The following GDAP2 variants were observed in gnomAD, a reference collection of about 807,000 sequenced individuals.
GDAP2 encodes the protein ganglioside induced differentiation associated protein 2, also known as ganglioside-induced differentiation-associated protein 2.
In GDAP2, 51 loss-of-function variants were observed where a neutral mutation model predicts 67.0. The ratio of observed to expected loss-of-function variants is 0.76; its 90% CI spans 0.61 to 0.96. The LOEUF (loss-of-function observed/expected upper bound fraction) is 0.96, where lower values mean the gene tolerates loss of function less well. GDAP2 is among the 40% of genes least tolerant of loss of function. The pLI is 0.00. For synonymous variants in GDAP2, 203 were observed against 207.3 expected (o/e 0.98, Z 0.18); for missense variants, 547 against 588.3 (o/e 0.93, Z 0.73).
intron 11 of GDAP2, among the ~76,000 whole-genome samples, chr1:117,882,279 G>T (rs1267435940): frequency 6.6e-6 from 1 of 152,062 alleles, no homozygotes; most frequent in East Asian, 1.9e-4. Context: ...TACAACAACA[G>T]ATTGTTGTAA....
Position 117,864,464 on chromosome 1 carries a change from T to C in GDAP2, c.*6105A>G, listed in dbSNP as rs1158503165. The C allele has an allele frequency of 6.6e-6, 1 of 152,240 alleles. No homozygotes were observed. The highest frequency in any genetic ancestry group is 2.4e-5 in the African/African-American group (1 of 41,464). 9.4% of individuals were successfully genotyped at this position (152,240 alleles called of 1,614,324 possible). A position where few individuals can be genotyped will look rare whatever the true frequency, so the allele number is the denominator to read the frequency against. On this transcript the variant is annotated 3_prime_UTR_variant, in exon 14 of 14. Coordinates refer to ENST00000369443, the MANE Select transcript of GDAP2 (RefSeq NM_017686.4). ...CACATAGTACATGGCAGTACATGCC[T>C]GTTGAACTGAAAAGAGCCTGTACTG... is the stretch of plus-strand genomic sequence containing the variant.
At chr1:117,910,053 T>A (rs2101152512) in intron 5 of GDAP2, among the ~76,000 whole-genome samples, 1 of 152,246 alleles carries the variant, frequency 6.6e-6, no homozygotes, top group South Asian at 2.1e-4. Context: ...AGCAATTATA[T>A]CAAGGGAGGA....
intron 13 of GDAP2, among the ~76,000 whole-genome samples, chr1:117,874,390 A>C (rs1477399848): frequency 6.6e-6 from 1 of 152,024 alleles, no homozygotes; most frequent in Non-Finnish European, 1.5e-5. Context: ...TGATCTCTAC[A>C]CCCACCAGCT....
chr1:117,892,538 T>C (rs186935445), intron 8 of GDAP2, among the ~76,000 whole-genome samples: 4 of 152,230 alleles, frequency 2.6e-5, no homozygotes, highest in South Asian at 4.1e-4. Flanking sequence ...TTATTCCAAA[T>C]AAACAAACTT....
intron 10 of GDAP2, among the ~76,000 whole-genome samples, chr1:117,885,220 T>C (rs1648808692): frequency 6.6e-6 from 1 of 152,114 alleles, no homozygotes; most frequent in Non-Finnish European, 1.5e-5. Context: ...TGCTGCTTCA[T>C]CTTCTTTCTG....
chr1:117,875,649 G>A (rs1045375255), intron 13 of GDAP2, among the ~76,000 whole-genome samples: 9 of 152,208 alleles, frequency 5.9e-5, no homozygotes, highest in Middle Eastern at 3.2e-3. Flanking sequence ...GCAAAGCCAT[G>A]GGGGTGGGGG....
intron 8 of GDAP2, among the ~76,000 whole-genome samples, chr1:117,888,966 T>TA (rs1200275767): frequency 2.6e-5 from 4 of 152,116 alleles, no homozygotes; most frequent in South Asian, 2.1e-4. Context: ...TTACTGCTTG[T>TA]AAAAAACACA....
chr1:117,910,549 C>T (rs1266164787), intron 5 of GDAP2, among the ~76,000 whole-genome samples: 1 of 152,150 alleles, frequency 6.6e-6, no homozygotes, highest in Non-Finnish European at 1.5e-5. Context: ...TCACCCTAAA[C>T]TCCAGGCTAC....
chr1:117,865,296 T>C lies in GDAP2; in HGVS notation c.*5273A>G, dbSNP rs575902781. 1.6e-4 allele frequency: 25 copies of C among 152,352 alleles called. No homozygotes were observed. Among genetic ancestry groups the C allele is most frequent in the African/African-American group, 5.3e-4 (22 of 41,582 alleles). 9.4% of individuals were successfully genotyped at this position (152,352 alleles called of 1,614,324 possible). ...CAATATAAACACTATTATTTCACTATTGATTCTTCATAGGCTATATTTGTA... is the reference window on the plus strand; with the variant it reads ...CAATATAAACACTATTATTTCACTACTGATTCTTCATAGGCTATATTTGTA... On this transcript the variant is annotated 3_prime_UTR_variant, in exon 14 of 14. Transcript: ENST00000369443.
intron 13 of GDAP2, among the ~76,000 whole-genome samples, chr1:117,874,294 C>T (rs1648384868): frequency 6.6e-6 from 1 of 152,168 alleles, no homozygotes; most frequent in Admixed American, 6.5e-5. Flanking sequence ...AATAAGTTCT[C>T]ACTCTATTTG....
At chr1:117,877,784 G>T in intron 13 of GDAP2, 1 of 1,247,442 alleles carries the variant, frequency 8.0e-7, no homozygotes. Context: ...ACAGCAGAGA[G>T]ATCTCCCACT....
intron 9 of GDAP2, 22 bp from the exon 10 acceptor site, chr1:117,886,675 A>G: frequency 7.7e-7 from 1 of 1,291,022 alleles, no homozygotes; most frequent in Middle Eastern, 1.8e-4. Context: ...AAATGTCATC[A>G]GCACCCAGAA....
chr1:117,912,609 G>A lies in GDAP2; in HGVS notation c.391C>T (p.Pro131Ser). The A allele has an allele frequency of 6.2e-7, 1 of 1,613,414 alleles. No individual in the cohort carries two copies. Among genetic ancestry groups the A allele is most frequent in the Non-Finnish European group, 8.5e-7 (1 of 1,179,410 alleles). ...GTGCGATAGCGGCTTTTATATTTAG[G>A]TCCCACTGTGTGAATGATGAACCGG... ...AARFIIHTVGPKYKSRYRTAA... is the reference protein window; with the variant it reads ...AARFIIHTVGSKYKSRYRTAA... Residue 131 changes from proline (P) to serine (S), a missense_variant, in exon 4 of 14, where the codon CCT becomes TCT. Transcript: ENST00000369443.
rs377442951 is a variant in GDAP2, at chr1:117,870,549, A to C, written c.*20T>G. The stretch of plus-strand genomic sequence containing the variant: ...AGGAAGTGGCATCCTGGGAACCAAG[A>C]AGCACTGAAAGATGGCAGGTCACAA... On this transcript the variant is annotated 3_prime_UTR_variant, in exon 14 of 14. Transcript: ENST00000369443. 1 of 1,524,892 alleles carries C rather than the reference A, an allele frequency of 6.6e-7. No individual in the cohort carries two copies. Among genetic ancestry groups the C allele is most frequent in the Non-Finnish European group, 9.1e-7 (1 of 1,098,888 alleles). The allele number at this position is 1,524,892 out of a possible 1,614,324, so 94.5% of individuals were successfully genotyped here.
intron 9 of GDAP2, 28 bp downstream of exon 9, chr1:117,887,670 G>A: frequency 9.1e-7 from 1 of 1,100,022 alleles, no homozygotes; most frequent in Non-Finnish European, 1.4e-6. Flanking sequence ...ATTAGTGAAA[G>A]AATAAGTTAC....
At chr1:117,882,070 T>C (rs1212089481) in intron 11 of GDAP2, among the ~76,000 whole-genome samples, 193 bp from the exon 12 acceptor site, 1 of 152,244 alleles carries the variant, frequency 6.6e-6, no homozygotes, top group East Asian at 1.9e-4. Flanking sequence ...TTTTAAAGTA[T>C]CTCTTTTATA....
chr1:117,872,189 A>G (rs529647264), intron 13 of GDAP2, among the ~76,000 whole-genome samples: 6 of 152,346 alleles, frequency 3.9e-5, no homozygotes, highest in Admixed American at 2.0e-4. Flanking sequence ...GTCAAGAAAC[A>G]ACAAATGCTG....
At position 117,867,585 on chromosome 1, in the gene GDAP2, C is replaced by A. The variant is rs1311127754; in HGVS notation, c.*2984G>T. On this transcript the variant is annotated 3_prime_UTR_variant, in exon 14 of 14. Coordinates refer to ENST00000369443, the MANE Select transcript of GDAP2 (RefSeq NM_017686.4). ...GGCATGGTGGCAGGCACCTGTAGTCCCAGCTACTAGGGAGGCTGAGGCAGG... is the reference window on the plus strand; with the variant it reads ...GGCATGGTGGCAGGCACCTGTAGTCACAGCTACTAGGGAGGCTGAGGCAGG... The A allele has an allele frequency of 1.9e-5, 3 of 154,848 alleles. No individual in the cohort carries two copies. Among genetic ancestry groups the A allele is most frequent in the Non-Finnish European group, 4.2e-5 (3 of 71,608 alleles). 9.6% of individuals were successfully genotyped at this position (154,848 alleles called of 1,614,324 possible). A position where few individuals can be genotyped will look rare whatever the true frequency, so the allele number is the denominator to read the frequency against.
intron 1 of GDAP2, among the ~76,000 whole-genome samples, chr1:117,927,187 CA>C (rs2101177410): frequency 6.6e-6 from 1 of 152,102 alleles, no homozygotes; most frequent in East Asian, 1.9e-4. Flanking sequence ...TCAAATGGTG[CA>C]GTGTAAACAG....
Sources: allele counts gnomAD v4.1 joint callset (sites outside exome capture counted in the v4.1 genomes callset), GRCh38; gene constraint gnomAD v4.1.1; transcripts MANE v1.5; gene names NCBI Gene and HGNC (gene_info 2026-07-23, HGNC 2026-07-21).